Variants in CCDC33 observed in about 807,000 individuals in gnomAD.
The protein encoded by CCDC33 is coiled-coil domain-containing protein 33.
In CCDC33, 94 loss-of-function variants were observed where a neutral mutation model predicts 91.9. The observed-to-expected ratio is 1.02, with a 90% CI of 0.87 to 1.21. The LOEUF (loss-of-function observed/expected upper bound fraction) is 1.21. Ranked by LOEUF, CCDC33 falls within the 50% of genes most tolerant of loss-of-function variation. CCDC33 has a pLI of 0.00. For missense variants in CCDC33, 940 were observed against 935.5 expected (o/e 1.00, Z -0.06); for synonymous variants, 396 against 374.5 (o/e 1.06, Z -0.66).
intron 2 of CCDC33, among the ~76,000 whole-genome samples, chr15:74,209,932 T>C (rs1213611830): frequency 2.0e-5 from 3 of 152,186 alleles, no homozygotes; most frequent in African/African-American, 7.2e-5. Flanking sequence ...GAGTGCCATC[T>C]ATAAAAAGGT....
intron 4 of CCDC33, 28 bp downstream of exon 4, chr15:74,266,815 G>A: frequency 6.4e-7 from 1 of 1,557,798 alleles, no homozygotes; most frequent in Non-Finnish European, 8.9e-7. Flanking sequence ...GGAAGTGCCG[G>A]GAGAGCAGGT....
At chr15:74,283,431 A>C (rs924619984) in intron 10 of CCDC33, among the ~76,000 whole-genome samples, 1 of 152,228 alleles carries the variant, frequency 6.6e-6, no homozygotes, top group Non-Finnish European at 1.5e-5. Flanking sequence ...GGCAGGCAAC[A>C]GGCAGGTGGG....
At chr15:74,331,346 T>C (rs2060434133) in intron 15 of CCDC33, 50 bp downstream of exon 15, 2 of 1,577,290 alleles carry the variant, frequency 1.3e-6, no homozygotes, top group South Asian at 1.1e-5. Context: ...GCTCCACCCC[T>C]GGAGGCCCTG....
chr15:74,292,878 AC>A (rs1160352411), intron 10 of CCDC33, among the ~76,000 whole-genome samples: 1 of 151,800 alleles, frequency 6.6e-6, no homozygotes, highest in Non-Finnish European at 1.5e-5. Context: ...GCCCACCCCC[AC>A]CTCACCCCAT....
chr15:74,206,465 GAGA>G (rs2074264664), intron 1 of CCDC33, among the ~76,000 whole-genome samples: 1 of 152,244 alleles, frequency 6.6e-6, no homozygotes, highest in Admixed American at 6.5e-5. Context: ...GTGTTAGGAA[GAGA>G]AGGATGGTAA....
chr15:74,284,558 T>A (rs997178182), intron 10 of CCDC33, among the ~76,000 whole-genome samples: 1 of 152,128 alleles, frequency 6.6e-6, no homozygotes. Context: ...CTGTTCTGGA[T>A]TTTAGGAATA....
At chr15:74,240,442 A>G (rs1297577840) in intron 1 of CCDC33, among the ~76,000 whole-genome samples, 1 of 152,126 alleles carries the variant, frequency 6.6e-6, no homozygotes, top group African/African-American at 2.4e-5. Context: ...TAGGAACATG[A>G]ATCACCCCTC....
rs142662124 is a variant in CCDC33, at chr15:74,249,172, C to T, written c.185+5024C>T. Among the ~76,000 whole-genome samples the T allele has an allele frequency of 6.3e-3, 956 of 152,192 alleles. 10 individuals are homozygous for T. The highest frequency in any genetic ancestry group is 0.021 in the African/African-American group (891 of 41,510). On this transcript the variant is annotated intron_variant, in intron 2 of 18. Coordinates refer to ENST00000398814, the MANE Select transcript of CCDC33 (RefSeq NM_025055.5). ...CATTTTGTCTGTTTTTATCAGCCCGCCCAGCTGCTTAGGTCATAAGCCAAA... is the reference window on the plus strand; with the variant it reads ...CATTTTGTCTGTTTTTATCAGCCCGTCCAGCTGCTTAGGTCATAAGCCAAA...
intron 1 of CCDC33, among the ~76,000 whole-genome samples, chr15:74,243,521 G>A (rs1481704090): frequency 6.6e-6 from 1 of 152,196 alleles, no homozygotes; most frequent in Non-Finnish European, 1.5e-5. Context: ...CGTGGGATGG[G>A]GACAGAAGTA....
chr15:74,256,421 AG>A (rs10706265), intron 2 of CCDC33, among the ~76,000 whole-genome samples: 57,496 of 151,778 alleles, frequency 0.38, 11,837 homozygotes, highest in African/African-American at 0.54. Flanking sequence ...TACGGGAGAA[AG>A]GGGGTACTCG....
At chr15:74,327,164 G>T (rs2060326238) in intron 11 of CCDC33, among the ~76,000 whole-genome samples, 1 of 152,070 alleles carries the variant, frequency 6.6e-6, no homozygotes, top group Non-Finnish European at 1.5e-5. Flanking sequence ...CAGGCTTGGT[G>T]GGGGAGGGGG....
At chr15:74,217,202 G>T in exon 1 of CCDC33, 1 of 1,147,202 alleles carries the variant, frequency 8.7e-7, no homozygotes, top group Non-Finnish European at 1.1e-6. Context: ...CAGGCTTTCA[G>T]ACTGGGTCCA....
At chr15:74,226,407 T>C (rs150430762) in intron 2 of CCDC33, among the ~76,000 whole-genome samples, 3 of 152,312 alleles carry the variant, frequency 2.0e-5, no homozygotes, top group Admixed American at 6.5e-5. Context: ...AAGGAAGTTA[T>C]GAGGCTCAAG....
At chr15:74,287,726 T>C (rs1403699519) in intron 10 of CCDC33, among the ~76,000 whole-genome samples, 3 of 151,078 alleles carry the variant, frequency 2.0e-5, no homozygotes, top group East Asian at 3.9e-4. Flanking sequence ...GAGGCGGAGG[T>C]TGCAGTGAGC....
At chr15:74,269,141 T>C (rs1287691979) in intron 5 of CCDC33, among the ~76,000 whole-genome samples, 2 of 151,966 alleles carry the variant, frequency 1.3e-5, no homozygotes, top group African/African-American at 2.4e-5. Flanking sequence ...AAAGCAGACA[T>C]GATGCAGGGA....
intron 2 of CCDC33, among the ~76,000 whole-genome samples, chr15:74,227,623 C>T (rs1461812443): frequency 2.0e-5 from 3 of 152,168 alleles, no homozygotes; most frequent in East Asian, 3.9e-4. Context: ...TGGCTAATGA[C>T]ACTTAGAAAA....
chr15:74,330,906 C>G, intron 13 of CCDC33, 75 bp from the exon 14 acceptor site: 1 of 1,534,202 alleles, frequency 6.5e-7, no homozygotes, highest in Non-Finnish European at 8.8e-7. Flanking sequence ...GCAGAGGGGC[C>G]GAGGTGGACC....
At chr15:74,257,293 C>T (rs921433430) in intron 2 of CCDC33, among the ~76,000 whole-genome samples, 2 of 152,252 alleles carry the variant, frequency 1.3e-5, no homozygotes, top group Non-Finnish European at 2.9e-5. Context: ...CAAGGACCAG[C>T]TGCCCTGCCG....
Position 74,267,551 on chromosome 15 carries a change from G to A in CCDC33, c.429+764G>A, listed in dbSNP as rs529018672. Among the ~76,000 whole-genome samples the A allele has an allele frequency of 1.4e-4, 21 of 151,068 alleles. No individual in the cohort carries two copies. The South Asian group carries it at 4.3e-3, about 31-fold the overall frequency. On this transcript the variant is annotated intron_variant, in intron 4 of 18. Coordinates refer to ENST00000398814, the MANE Select transcript of CCDC33 (RefSeq NM_025055.5). ...CTCTCATTGCTCAAGGACTTATGAA[G>A]CACCTACTATGTGCCAGGTAGTGAG...
Sources: allele counts gnomAD v4.1 joint callset (sites outside exome capture counted in the v4.1 genomes callset), GRCh38; gene constraint gnomAD v4.1.1; transcripts MANE v1.5; gene names NCBI Gene and HGNC (gene_info 2026-07-23, HGNC 2026-07-21).